The following SLMAP variants were observed in gnomAD, a reference collection of about 807,000 sequenced individuals.
SLMAP encodes sarcolemma associated protein.
Under a neutral mutation model 128.8 loss-of-function variants are expected in SLMAP, and 44 were observed. The ratio of observed to expected loss-of-function variants is 0.34; its 90% CI spans 0.27 to 0.44. The LOEUF is 0.44. Ranked by LOEUF, SLMAP falls within the 20% of genes least tolerant of loss-of-function variation. SLMAP has a pLI of 1.00. For missense variants in SLMAP, 787 were observed against 985.3 expected (o/e 0.80, Z 2.69); for synonymous variants, 327 against 348.8 (o/e 0.94, Z 0.70).
At chr3:57,824,408 CTTTAA>C (rs1299856341) in intron 2 of SLMAP, among the ~76,000 whole-genome samples, 1 of 152,120 alleles carries the variant, frequency 6.6e-6, no homozygotes, top group Non-Finnish European at 1.5e-5. Context: ...ATATTTAACT[CTTTAA>C]TTTATTTTGA....
chr3:57,775,161 T>C (rs1215280214), intron 2 of SLMAP, among the ~76,000 whole-genome samples: 2 of 97,352 alleles, frequency 2.1e-5, no homozygotes, highest in African/African-American at 7.6e-5. Flanking sequence ...TTCACGCCAT[T>C]TTCCTGCCTC....
intron 13 of SLMAP, among the ~76,000 whole-genome samples, chr3:57,867,213 C>T (rs1220758219): frequency 1.3e-5 from 2 of 152,076 alleles, no homozygotes; most frequent in Non-Finnish European, 2.9e-5. Context: ...GTCAATCAGT[C>T]ATCACCCTCT....
At chr3:57,790,000 C>T (rs192681519) in intron 2 of SLMAP, among the ~76,000 whole-genome samples, 48 of 152,208 alleles carry the variant, frequency 3.2e-4, no homozygotes, top group Admixed American at 2.0e-3. Context: ...CCACTCCCAA[C>T]TAATTTTTTT....
rs35541333 is a variant in SLMAP, at chr3:57,885,771, C to CTTTTTTTTTTTT, written c.1301-4251_1301-4240dup. Among the ~76,000 whole-genome samples the CTTTTTTTTTTTT allele has an allele frequency of 3.4e-4, 18 of 53,580 alleles. 3 individuals carry two copies. The highest frequency in any genetic ancestry group is 6.0e-4 in the Non-Finnish European group (18 of 30,196). 35.2% of individuals were successfully genotyped at this position (53,580 alleles called of 152,430 possible). ...TTGTTTTGCTTTTCGGTTTTTGGTT[C>CTTTTTTTTTTTT]TTTTTTTTTTTTTTTTTTTTTTTTT... On this transcript the variant is annotated intron_variant, in intron 14 of 24. Coordinates refer to ENST00000671191, the MANE Select transcript of SLMAP (RefSeq NM_001377540.1).
intron 5 of SLMAP, among the ~76,000 whole-genome samples, chr3:57,848,063 T>G (rs1229505724): frequency 6.6e-6 from 1 of 152,200 alleles, no homozygotes; most frequent in Non-Finnish European, 1.5e-5. Context: ...TAAAGTATAC[T>G]TTCCAAGCTT....
At chr3:57,813,820 A>G (rs1400730373) in intron 2 of SLMAP, among the ~76,000 whole-genome samples, 2 of 152,128 alleles carry the variant, frequency 1.3e-5, no homozygotes, top group East Asian at 1.9e-4. Flanking sequence ...TGTTTCCTCC[A>G]CATTCTTGCT....
At chr3:57,921,985 G>A (rs758931643) in intron 22 of SLMAP, among the ~76,000 whole-genome samples, 4 of 152,186 alleles carry the variant, frequency 2.6e-5, no homozygotes, top group Non-Finnish European at 4.4e-5. Context: ...GATTACAGGT[G>A]TGAGCCACCG....
At chr3:57,852,181 G>A (rs959347096) in intron 6 of SLMAP, among the ~76,000 whole-genome samples, 1 of 152,138 alleles carries the variant, frequency 6.6e-6, no homozygotes, top group Non-Finnish European at 1.5e-5. Context: ...AAAGTGCTGG[G>A]ATTACAGGCC....
chr3:57,854,793 A>G (rs2094689324), intron 6 of SLMAP, among the ~76,000 whole-genome samples: 1 of 152,200 alleles, frequency 6.6e-6, no homozygotes, highest in African/African-American at 2.4e-5. Context: ...ATTCACATAT[A>G]TGTGTATGTG....
intron 13 of SLMAP, among the ~76,000 whole-genome samples, chr3:57,869,633 T>TATATATATATA (rs1275476491): frequency 9.1e-6 from 1 of 110,240 alleles, no homozygotes; most frequent in African/African-American, 4.6e-5. Flanking sequence ...ATCTCTATTA[T>TATATATATATA]ATATATATAT....
chr3:57,879,671 A>G (rs1277666699), intron 14 of SLMAP, among the ~76,000 whole-genome samples: 1 of 152,166 alleles, frequency 6.6e-6, no homozygotes, highest in Non-Finnish European at 1.5e-5. Context: ...GGCCAGGCGC[A>G]GTGGCTCATG....
At chr3:57,898,419 A>G (rs1022900997) in intron 17 of SLMAP, 3 of 152,186 alleles carry the variant, frequency 2.0e-5, no homozygotes, top group Non-Finnish European at 4.4e-5. Context: ...GGTCTTTTGC[A>G]CTACAGAACT....
intron 3 of SLMAP, among the ~76,000 whole-genome samples, chr3:57,840,958 T>G (rs1440401050): frequency 6.6e-6 from 1 of 152,184 alleles, no homozygotes; most frequent in Non-Finnish European, 1.5e-5. Flanking sequence ...AATTTGGGAA[T>G]AGTCAGACCT....
rs2094438430 is a variant in SLMAP, at chr3:57,849,784, C to A, written c.487C>A (p.Gln163Lys). 1 of 1,577,968 alleles carries A rather than the reference C, an allele frequency of 6.3e-7. No homozygotes were observed. Among genetic ancestry groups the A allele is most frequent in the Non-Finnish European group, 8.7e-7 (1 of 1,147,062 alleles). Residue 163 changes from glutamine to lysine, a missense_variant, in exon 6 of 25, where the codon CAG becomes AAG. Physicochemically the swap from Gln to Lys is moderately conservative, Grantham distance 53. Transcript: ENST00000671191. ...TGCTAACACTCCAAGTATGTACTCT[C>A]AGGAACTATTCCAGCTTTCTCAGTA... ...VAANTPSMYS[Q>K]ELFQLSQYLQ... is the part of the protein sequence containing the mutation.
intron 15 of SLMAP, among the ~76,000 whole-genome samples, chr3:57,894,209 C>T (rs1431418228): frequency 6.6e-6 from 1 of 152,098 alleles, no homozygotes; most frequent in Non-Finnish European, 1.5e-5. Context: ...ATGTCCCTAT[C>T]CCCAAAAATA....
In SLMAP at chr3:57,913,440, CT is replaced by C. The variant is rs951962730; in HGVS notation, c.2138+175del. Among the ~76,000 whole-genome samples, 670 of 149,322 alleles carry C rather than the reference CT, an allele frequency of 4.5e-3. 4 individuals carry two copies. Among genetic ancestry groups the C allele is most frequent in the African/African-American group, 0.015 (629 of 40,842 alleles). On this transcript the variant is annotated intron_variant, in intron 21 of 24. Transcript: ENST00000671191. ...TAACCATACTGAATAAATACTTCAG[CT>C]TTTTTTTTTCCTGCCACCACCATTA...
chr3:57,921,422 TTCAAGACCATCCTGGCCAACATGGTGA>T (rs1193306334), intron 22 of SLMAP, among the ~76,000 whole-genome samples: 1 of 151,134 alleles, frequency 6.6e-6, no homozygotes, highest in African/African-American at 2.4e-5. Context: ...AGGCCAGGAG[TTCAAGACCATCCTGGCCAACATGGTGA>T]AACTCCATTT....
intron 17 of SLMAP, among the ~76,000 whole-genome samples, chr3:57,902,695 A>G (rs1033940150): frequency 1.3e-5 from 2 of 152,208 alleles, no homozygotes; most frequent in Admixed American, 1.3e-4. Context: ...GAAGTCAGCT[A>G]TGACTCCAGC....
chr3:57,887,891 T>C (rs930839111), intron 14 of SLMAP, among the ~76,000 whole-genome samples: 1 of 152,162 alleles, frequency 6.6e-6, no homozygotes, highest in South Asian at 2.1e-4. Flanking sequence ...TGTATTAGAC[T>C]CACCTTCTGG....
Sources: gnomAD v4.1 joint callset for allele counts (sites outside exome capture counted in the v4.1 genomes callset) on GRCh38, gnomAD v4.1.1 for gene constraint, MANE v1.5 for transcripts, NCBI Gene and HGNC (gene_info 2026-07-23, HGNC 2026-07-21) for gene names.